The following GPRASP1 variants were observed in gnomAD, a reference collection of about 807,000 sequenced individuals.
GPRASP1 encodes G protein-coupled receptor associated sorting protein 1.
A neutral mutation model predicts 68.4 loss-of-function variants in GPRASP1; 28 were observed. The observed-to-expected ratio is 0.41, with a 90% CI of 0.30 to 0.56. The LOEUF (loss-of-function observed/expected upper bound fraction) is 0.56. Ranked by LOEUF, GPRASP1 falls within the 20% of genes least tolerant of loss-of-function variation. GPRASP1 has a pLI of 0.29. For synonymous variants in GPRASP1, 304 were observed against 358.2 expected (o/e 0.85, Z 1.71); for missense variants, 913 against 1,031.5 (o/e 0.89, Z 1.57).
At chrX:102,652,509 G>C (rs1472235845) in intron 3 of GPRASP1, among the ~76,000 whole-genome samples, 1 of 113,104 alleles carries the variant, frequency 8.8e-6, no homozygotes. Flanking sequence ...ACCAATTCAC[G>C]ACCTGTTTTC....
chrX:102,656,234 A>G lies in GPRASP1; in HGVS notation c.2321A>G (p.Glu774Gly), dbSNP rs2081410211. Reference protein sequence around the residue: ...TDREESRPEAEEGDIIGSWFW... With the variant: ...TDREESRPEAGEGDIIGSWFW... ...AGAGAAGAGTCCAGGCCAGAAGCTG[A>G]GGAGGGGGACATTATTGGTTCTTGG... The change falls in exon 6 of 6, where the codon GAG (glutamate) becomes GGG (glycine). Residue 774 changes from glutamate (E) to glycine (G), a missense_variant. Transcript: ENST00000537097. 1 of 1,209,774 alleles carries G rather than the reference A, an allele frequency of 8.3e-7. No homozygotes were observed. The highest frequency in any genetic ancestry group is 1.1e-6 in the Non-Finnish European group (1 of 895,120).
In GPRASP1 at chrX:102,657,032, G is replaced by T. The variant is rs766488213; in HGVS notation, c.3119G>T (p.Arg1040Leu). The T allele has an allele frequency of 5.0e-6, 6 of 1,210,361 alleles. No homozygotes were observed. Among genetic ancestry groups the T allele is most frequent in the Middle Eastern group, 4.6e-4 (2 of 4,350 alleles). Residue 1040 changes from arginine to leucine, a missense_variant, in exon 6 of 6, where the codon CGC becomes CTC. Physicochemically the swap from Arg to Leu is moderately radical, Grantham distance 102 (BLOSUM62 -2). Coordinates refer to ENST00000537097, the MANE Select transcript of GPRASP1 (RefSeq NM_001184727.2). ...GTTGAACAGGAGCCTGATCCTTCAC[G>T]CAGGCCTCAGAGTTGGGAGGAGGTC... ...CSVEQEPDPS[R>L]RPQSWEEVTV...
Position 102,654,892 on chromosome X carries a change from G to A in GPRASP1, c.979G>A (p.Ala327Thr). The change falls in exon 6 of 6, where the codon GCC becomes ACC. Residue 327 changes from alanine to threonine, a missense_variant. Coordinates refer to ENST00000537097, the MANE Select transcript of GPRASP1 (RefSeq NM_001184727.2). Reference protein sequence around the residue: ...FRSKMRAGKEANNRARHRAKR... With the variant: ...FRSKMRAGKETNNRARHRAKR... Reference sequence around the variant, plus strand: ...GTCCAAAATGAGAGCTGGGAAGGAGGCCAATAACAGGGCCAGGCACAGGGC... The same window carrying A: ...GTCCAAAATGAGAGCTGGGAAGGAGACCAATAACAGGGCCAGGCACAGGGC... The A allele has an allele frequency of 1.7e-6, 2 of 1,211,802 alleles. No homozygotes were observed. The highest frequency in any genetic ancestry group is 2.2e-6 in the Non-Finnish European group (2 of 895,299).
chrX:102,654,646 C>A lies in GPRASP1; in HGVS notation c.733C>A (p.Leu245Ile). ...GTCTAGGTCCCAAACTAACCAGGAG[C>A]TCTATATTGCATCTAGTTCTGGTTC... ...TMSRSQTNQE[L>I]YIASSSGSED... is the part of the protein sequence containing the mutation. Residue 245 changes from leucine (L) to isoleucine (I), a missense_variant, in exon 6 of 6, where the codon CTC (leucine) becomes ATC (isoleucine). Physicochemically the swap from Leu to Ile is conservative, Grantham distance 5. Transcript: ENST00000537097. 2 of 1,210,074 alleles carry A rather than the reference C, an allele frequency of 1.7e-6. No homozygotes were observed. Among genetic ancestry groups the A allele is most frequent in the Non-Finnish European group, 2.2e-6 (2 of 893,812 alleles).
rs2081428356 is a variant in GPRASP1 at position 102,657,662 on chromosome X, A to C, written c.3749A>C (p.Asp1250Ala). Residue 1250 changes from aspartate (D) to alanine (A), a missense_variant, in exon 6 of 6, where the codon GAT becomes GCT. Transcript: ENST00000537097. ...VCEETLAYSV[D>A]SPEQLSGIRM... is the part of the protein sequence containing the mutation. ...GAGGAAACCCTTGCTTATAGCGTGG[A>C]TTCCCCGGAACAGCTGTCTGGAATA... The C allele has an allele frequency of 8.3e-7, 1 of 1,209,775 alleles. No homozygotes were observed.
Position 102,653,858 on chromosome X carries a change from T to A in GPRASP1, c.-56T>A. 1.1e-6 allele frequency: 1 copy of A among 924,293 alleles called. No homozygotes were observed. The highest frequency in any genetic ancestry group is 1.5e-6 in the Non-Finnish European group (1 of 656,096). The allele number at this position is 924,293 out of a possible 1,213,427, so 76.2% of individuals were successfully genotyped here. A position where few individuals can be genotyped will look rare whatever the true frequency, so the allele number is the denominator to read the frequency against. On this transcript the variant is annotated 5_prime_UTR_variant, in exon 6 of 6. It adds an upstream start codon to the 5' untranslated region. Transcript: ENST00000537097. The stretch of plus-strand genomic sequence containing the variant: ...AAACAAACCTGTGACAGATCTGTGG[T>A]TGAGGTTTAGACTGGGGGAGGAGTA...
rs767491658 is a variant in GPRASP1 at position 102,657,132 on chromosome X, G to A, written c.3219G>A (p.Glu1073=). ...TAAGCCCCTTTAGATTTCCGAAAGAGGCAGCATCTTTATTCTGTGAAATGT... is the reference window on the plus strand; with the variant it reads ...TAAGCCCCTTTAGATTTCCGAAAGAAGCAGCATCTTTATTCTGTGAAATGT... ...PSISPFRFPK[E]AASLFCEMFG... The change falls in exon 6 of 6, where the codon GAG becomes GAA. Residue 1073 remains glutamate (E), a synonymous_variant. Transcript: ENST00000537097. The A allele has an allele frequency of 7.4e-6, 9 of 1,208,982 alleles. No homozygotes were observed. The highest frequency in any genetic ancestry group is 1.8e-5 in the South Asian group (1 of 56,891).
At position 102,659,050 on chromosome X, in the gene GPRASP1, C is replaced by T. The variant is rs760601490; in HGVS notation, c.*949C>T. On this transcript the variant is annotated 3_prime_UTR_variant, in exon 6 of 6. Coordinates refer to ENST00000537097, the MANE Select transcript of GPRASP1 (RefSeq NM_001184727.2). ...GTGTCATACATGGGAAGTATGATCC[C>T]ATTTGAAAAATAAATGTGAATAAAT... is the stretch of plus-strand genomic sequence containing the variant. 1.8e-4 allele frequency: 22 copies of T among 122,602 alleles called. No homozygotes were observed. Among genetic ancestry groups the T allele is most frequent in the Non-Finnish European group, 3.6e-4 (19 of 53,127 alleles). The allele number at this position is 122,602 out of a possible 1,213,427, so 10.1% of individuals were successfully genotyped here.
At position 102,656,949 on chromosome X, in the gene GPRASP1, C is replaced by T. The variant is rs764237260; in HGVS notation, c.3036C>T (p.Ala1012=). The T allele has an allele frequency of 8.3e-7, 1 of 1,209,172 alleles. No individual in the cohort carries two copies. Among genetic ancestry groups the T allele is most frequent in the African/African-American group, 1.8e-5 (1 of 56,898 alleles). ...VGSWFWAGDE[A]HFESNPSPVF... ...CCTGGTTCTGGGCAGGAGATGAGGC[C>T]CATTTTGAATCAAATCCTAGCCCCG... The change falls in exon 6 of 6, where the codon GCC becomes GCT. Residue 1012 remains alanine, a synonymous_variant. Transcript: ENST00000537097.
rs2081406555 is a variant in GPRASP1 at position 102,655,989 on chromosome X, T to G, written c.2076T>G (p.Ser692Arg). ...EPCMYPAGGG[S>R]WKSRPEEEED... ...GTATGTATCCTGCCGGTGGAGGAAG[T>G]TGGAAGTCTAGGCCAGAGGAGGAAG... Residue 692 changes from serine to arginine, a missense_variant, in exon 6 of 6, where the codon AGT becomes AGG. By Grantham distance (110) the Ser-to-Arg change is moderately radical (BLOSUM62 -1). Coordinates refer to ENST00000537097, the MANE Select transcript of GPRASP1 (RefSeq NM_001184727.2). 8.3e-7 allele frequency: 1 copy of G among 1,209,292 alleles called. No individual in the cohort carries two copies. Among genetic ancestry groups the G allele is most frequent in the African/African-American group, 1.8e-5 (1 of 56,879 alleles).
At chrX:102,652,726 A>T (rs1053214247) in intron 3 of GPRASP1, 105 bp from the exon 4 acceptor site, 6 of 112,964 alleles carry the variant, frequency 5.3e-5, no homozygotes, top group African/African-American at 1.9e-4. Flanking sequence ...TGAAAGACAG[A>T]TATCAATAAT....
At position 102,654,521 on chromosome X, in the gene GPRASP1, T is replaced by C. The variant is rs763875393; in HGVS notation, c.608T>C (p.Phe203Ser). ...GTAGACAAATCTGTGAGTTCCTTGT[T>C]CTGGAGTGGAGATGAGGTCACTGCA... is the stretch of plus-strand genomic sequence containing the variant. ...KWVDKSVSSL[F>S]WSGDEVTAKF... Residue 203 changes from phenylalanine to serine, a missense_variant, in exon 6 of 6, where the codon TTC becomes TCC. Transcript: ENST00000537097. 27 of 1,209,198 alleles carry C rather than the reference T, an allele frequency of 2.2e-5. No homozygotes were observed. The highest frequency in any genetic ancestry group is 2.9e-5 in the Non-Finnish European group (26 of 894,519).
Position 102,653,760 on chromosome X carries a change from C to T in GPRASP1, c.-154C>T, listed in dbSNP as rs1444798712. On this transcript the variant is annotated 5_prime_UTR_variant, in exon 6 of 6. Transcript: ENST00000537097. ...GTTTGGGAAGGAGGCTGAGTGACTA[C>T]TGGACTGGATATTGACTCTAACTCT... 2.0e-6 allele frequency: 1 copy of T among 490,597 alleles called. No homozygotes were observed. Among genetic ancestry groups the T allele is most frequent in the Non-Finnish European group, 3.6e-6 (1 of 279,103 alleles). 40.4% of individuals were successfully genotyped at this position (490,597 alleles called of 1,213,427 possible).
Position 102,654,637 on chromosome X carries a change from A to T in GPRASP1, c.724A>T (p.Asn242Tyr). ...EANTMSRSQTNQELYIASSSG... is the reference protein window; with the variant it reads ...EANTMSRSQTYQELYIASSSG... Reference sequence around the variant, plus strand: ...TAATACCATGTCTAGGTCCCAAACTAACCAGGAGCTCTATATTGCATCTAG... The same window carrying T: ...TAATACCATGTCTAGGTCCCAAACTTACCAGGAGCTCTATATTGCATCTAG... Residue 242 changes from asparagine to tyrosine, a missense_variant, in exon 6 of 6, where the codon AAC becomes TAC. Coordinates refer to ENST00000537097, the MANE Select transcript of GPRASP1 (RefSeq NM_001184727.2). 1 of 1,210,328 alleles carries T rather than the reference A, an allele frequency of 8.3e-7. No homozygotes were observed. The highest frequency in any genetic ancestry group is 1.1e-6 in the Non-Finnish European group (1 of 894,073).
In GPRASP1 at chrX:102,655,723, C is replaced by A. The variant is rs1569484690; in HGVS notation, c.1810C>A (p.Gln604Lys). ...CRAETSCDTM[Q>K]GAEEEEPIIG... Reference sequence around the variant, plus strand: ...GGCTGAAACTAGCTGTGACACCATGCAAGGGGCTGAGGAGGAGGAGCCCAT... The same window carrying A: ...GGCTGAAACTAGCTGTGACACCATGAAAGGGGCTGAGGAGGAGGAGCCCAT... Residue 604 changes from glutamine to lysine, a missense_variant, in exon 6 of 6, where the codon CAA becomes AAA. By Grantham distance (53) the Gln-to-Lys change is moderately conservative. Coordinates refer to ENST00000537097, the MANE Select transcript of GPRASP1 (RefSeq NM_001184727.2). 8.3e-7 allele frequency: 1 copy of A among 1,210,917 alleles called. No homozygotes were observed. Among genetic ancestry groups the A allele is most frequent in the Admixed American group, 2.2e-5 (1 of 45,991 alleles).
Position 102,655,440 on chromosome X carries a change from C to A in GPRASP1, c.1527C>A (p.Asn509Lys). ...GSWFWAGEEVNQEAEEETIFG... is the reference protein window; with the variant it reads ...GSWFWAGEEVKQEAEEETIFG... ...GGTTCTGGGCTGGTGAAGAGGTCAA[C>A]CAAGAGGCTGAGGAAGAGACCATTT... is the stretch of plus-strand genomic sequence containing the variant. The change falls in exon 6 of 6, where the codon AAC (asparagine) becomes AAA (lysine). Residue 509 changes from asparagine to lysine, a missense_variant. Physicochemically the swap from Asn to Lys is moderately conservative, Grantham distance 94 (BLOSUM62 0). Transcript: ENST00000537097. The A allele has an allele frequency of 8.3e-7, 1 of 1,211,083 alleles. No individual in the cohort carries two copies.
Position 102,654,281 on chromosome X carries a change from G to T in GPRASP1, c.368G>T (p.Ser123Ile), listed in dbSNP as rs143347441. ...QTNIIASPLV[S>I]TDSVLVAKTK... Reference sequence around the variant, plus strand: ...AATATCATAGCCTCTCCACTTGTCAGTACTGATTCTGTCTTGGTTGCTAAA... The same window carrying T: ...AATATCATAGCCTCTCCACTTGTCATTACTGATTCTGTCTTGGTTGCTAAA... The change falls in exon 6 of 6, where the codon AGT becomes ATT. Residue 123 changes from serine to isoleucine, a missense_variant. By Grantham distance (142) the Ser-to-Ile change is moderately radical. Transcript: ENST00000537097. The T allele has an allele frequency of 7.1e-5, 86 of 1,209,233 alleles. No individual in the cohort carries two copies. The highest frequency in any genetic ancestry group is 6.0e-5 in the Non-Finnish European group (54 of 894,012).
rs2081416640 is a variant in GPRASP1 at position 102,656,778 on chromosome X, C to T, written c.2865C>T (p.Ala955=). 6 of 1,210,042 alleles carry T rather than the reference C, an allele frequency of 5.0e-6. No individual in the cohort carries two copies. The highest frequency in any genetic ancestry group is 3.0e-5 in the East Asian group (1 of 33,817). Reference sequence around the variant, plus strand: ...CCATTAAGGAAACTGGAACTGTGGCCACCTGTGAGTCCAAGCCAGAAAATG... The same window carrying T: ...CCATTAAGGAAACTGGAACTGTGGCTACCTGTGAGTCCAAGCCAGAAAATG... ...DKAIKETGTV[A]TCESKPENEE... The change falls in exon 6 of 6, where the codon GCC becomes GCT. Residue 955 remains alanine, a synonymous_variant. Coordinates refer to ENST00000537097, the MANE Select transcript of GPRASP1 (RefSeq NM_001184727.2).
chrX:102,654,430 G>A lies in GPRASP1; in HGVS notation c.517G>A (p.Gly173Arg), dbSNP rs2081385667. The change falls in exon 6 of 6, where the codon GGG (glycine) becomes AGG (arginine). Residue 173 changes from glycine (G) to arginine (R), a missense_variant. Physicochemically the swap from Gly to Arg is moderately radical, Grantham distance 125 (BLOSUM62 -2). Transcript: ENST00000537097. ...SFRSKEETNM[G>R]SWCCPRPTSK... ...TAGGTCAAAGGAGGAGACCAATATG[G>A]GGTCCTGGTGCTGTCCTAGGCCTAC... The A allele has an allele frequency of 5.8e-6, 7 of 1,209,910 alleles. No individual in the cohort carries two copies. The East Asian group carries it at 2.1e-4, about 36-fold the overall frequency.
Sources: gnomAD v4.1 joint callset for allele counts (sites outside exome capture counted in the v4.1 genomes callset) on GRCh38, gnomAD v4.1.1 for gene constraint, MANE v1.5 for transcripts, NCBI Gene and HGNC (gene_info 2026-07-23, HGNC 2026-07-21) for gene names.